The following GABPB1 variants were observed in gnomAD, a reference collection of about 807,000 sequenced individuals.
GABPB1 encodes GA binding protein transcription factor subunit beta 1.
A neutral mutation model predicts 45.9 loss-of-function variants in GABPB1; 15 were observed. That is an observed-to-expected ratio of 0.33 (90% CI 0.22 to 0.50). The LOEUF is 0.50. GABPB1 is among the 20% of genes least tolerant of loss of function. GABPB1 has a pLI of 0.98. For missense variants in GABPB1, 252 were observed against 457.5 expected, an observed-to-expected ratio of 0.55 and a Z score of 4.10; for synonymous variants, 143 against 154.4, an observed-to-expected ratio of 0.93 and a Z score of 0.55.
chr15:50,280,379 G>T (rs2045935574), intron 8 of GABPB1, among the ~76,000 whole-genome samples: 1 of 152,148 alleles, frequency 6.6e-6, no homozygotes, highest in African/African-American at 2.4e-5. Flanking sequence ...AGGGGTGAGG[G>T]GTGGAAGGTT....
chr15:50,310,474 T>C (rs141894202), intron 1 of GABPB1, among the ~76,000 whole-genome samples: 9 of 152,288 alleles, frequency 5.9e-5, no homozygotes, highest in Non-Finnish European at 1.2e-4. Context: ...TAAAAGTAAA[T>C]AAAGTGCAAG....
chr15:50,302,268 A>T (rs1361747730), intron 4 of GABPB1, among the ~76,000 whole-genome samples: 1 of 152,208 alleles, frequency 6.6e-6, no homozygotes, highest in African/African-American at 2.4e-5. Context: ...GCTAATATAT[A>T]TGTTTTTTAA....
At chr15:50,326,056 C>G (rs1051243204) in intron 1 of GABPB1, among the ~76,000 whole-genome samples, 4 of 115,602 alleles carry the variant, frequency 3.5e-5, no homozygotes, top group African/African-American at 1.3e-4. Context: ...TATAGGCGCC[C>G]ACCACCACGC....
At chr15:50,289,930 C>T (rs948818296) in intron 6 of GABPB1, among the ~76,000 whole-genome samples, 1 of 151,970 alleles carries the variant, frequency 6.6e-6, no homozygotes, top group African/African-American at 2.4e-5. Flanking sequence ...TACCACCATA[C>T]CTGACTAGTT....
intron 6 of GABPB1, among the ~76,000 whole-genome samples, chr15:50,291,859 A>C (rs2046352240): frequency 6.6e-6 from 1 of 150,486 alleles, no homozygotes; most frequent in African/African-American, 2.4e-5. Context: ...TTGAGGCTGC[A>C]GTGAGCAGTG....
intron 1 of GABPB1, among the ~76,000 whole-genome samples, chr15:50,317,162 G>A (rs891732483): frequency 6.6e-5 from 10 of 151,922 alleles, no homozygotes; most frequent in Non-Finnish European, 1.2e-4. Flanking sequence ...TTGGGAGGCC[G>A]AGGCAGGTGG....
At chr15:50,318,963 A>G (rs1382519836) in intron 1 of GABPB1, among the ~76,000 whole-genome samples, 1 of 152,200 alleles carries the variant, frequency 6.6e-6, no homozygotes, top group Non-Finnish European at 1.5e-5. Context: ...CCTGGGGTGT[A>G]ATGTAAAGCA....
At chr15:50,302,840 A>G (rs1194877217) in intron 4 of GABPB1, 89 bp downstream of exon 4, 1 of 866,166 alleles carries the variant, frequency 1.2e-6, no homozygotes, top group Non-Finnish European at 1.8e-6. Context: ...GGCTACAAAC[A>G]ATAGTTTAAA....
At chr15:50,289,449 A>C (rs79088883) in intron 7 of GABPB1, 34 bp downstream of exon 7, 2 of 1,403,526 alleles carry the variant, frequency 1.4e-6, no homozygotes, top group East Asian at 4.8e-5. Context: ...AAAAAAAAAA[A>C]CATACAAACT....
Position 50,300,429 on chromosome 15 carries a change from G to GTTT in GABPB1, c.697+357_697+359dup, listed in dbSNP as rs1363908199. Reference sequence around the variant, plus strand: ...TTTGTAAATATTTGAATCTGCAACTGTTTTTGGTTTTTTTTTTTTTTTTTT... The same window carrying GTTT: ...TTTGTAAATATTTGAATCTGCAACTGTTTTTTTTGGTTTTTTTTTTTTTTTTTT... On this transcript the variant is annotated intron_variant, in intron 6 of 8. Transcript: ENST00000380877. Among the ~76,000 whole-genome samples the GTTT allele has an allele frequency of 2.8e-3, 200 of 72,098 alleles. 3 individuals are homozygous for GTTT. The highest frequency in any genetic ancestry group is 0.013 in the Middle Eastern group (1 of 78). 47.3% of individuals were successfully genotyped at this position (72,098 alleles called of 152,430 possible).
chr15:50,277,280 C>A lies in GABPB1; in HGVS notation c.*1352G>T, dbSNP rs1350323236. The A allele has an allele frequency of 2.0e-5, 3 of 151,860 alleles. No individual in the cohort carries two copies. The East Asian group carries it at 5.8e-4, about 29-fold the overall frequency. 9.4% of individuals were successfully genotyped at this position (151,860 alleles called of 1,614,324 possible). On this transcript the variant is annotated 3_prime_UTR_variant, in exon 9 of 9. Coordinates refer to ENST00000380877, the MANE Select transcript of GABPB1 (RefSeq NM_016654.5). ...CATATGTGAAAAAGATATTTAATTG[C>A]AAAATAGAAAAGTAGGCCAGAGTAC...
rs2046141290 is a variant in GABPB1, at chr15:50,286,052, G to C, written c.999+16C>G. The C allele has an allele frequency of 1.2e-6, 2 of 1,610,624 alleles. No individual in the cohort carries two copies. The highest frequency in any genetic ancestry group is 1.7e-6 in the Non-Finnish European group (2 of 1,178,510). On this transcript the variant is annotated intron_variant, in intron 8 of 8. Coordinates refer to ENST00000380877, the MANE Select transcript of GABPB1 (RefSeq NM_016654.5). ...GGATGACTGCGGCAAAGCACACCGG[G>C]TAAAAGACTCCTTACTTCTATTTCT...
At chr15:50,310,233 C>CAG (rs1567510067) in intron 1 of GABPB1, among the ~76,000 whole-genome samples, 1 of 152,182 alleles carries the variant, frequency 6.6e-6, no homozygotes, top group East Asian at 1.9e-4. Context: ...GCTTGGACTA[C>CAG]AGGCATGCAC....
intron 1 of GABPB1, among the ~76,000 whole-genome samples, chr15:50,343,922 AATC>A (rs906410533): frequency 1.3e-5 from 2 of 152,212 alleles, no homozygotes; most frequent in Non-Finnish European, 2.9e-5. Context: ...CAGAATAAAC[AATC>A]ATCTTTTATT....
chr15:50,342,995 G>C (rs1350002767), intron 1 of GABPB1, among the ~76,000 whole-genome samples: 1 of 152,158 alleles, frequency 6.6e-6, no homozygotes, highest in African/African-American at 2.4e-5. Context: ...CGCCTCCCGG[G>C]TTCACGCCAT....
At chr15:50,339,357 G>C (rs1475851465) in intron 1 of GABPB1, among the ~76,000 whole-genome samples, 1 of 151,762 alleles carries the variant, frequency 6.6e-6, no homozygotes, top group Non-Finnish European at 1.5e-5. Flanking sequence ...TAATTAACCA[G>C]GTATGGTGGA....
intron 1 of GABPB1, among the ~76,000 whole-genome samples, chr15:50,337,124 T>G (rs1316033459): frequency 1.3e-4 from 1 of 7,604 alleles, no homozygotes; most frequent in African/African-American, 1.4e-3. Context: ...TATATATATA[T>G]ATATAATATG....
intron 1 of GABPB1, chr15:50,349,986 C>T (rs2048760689): frequency 6.6e-6 from 1 of 152,074 alleles, no homozygotes; most frequent in African/African-American, 2.4e-5. Context: ...AAAATGGAAT[C>T]ATGTTTTTAA....
chr15:50,281,826 A>C (rs963286534), intron 8 of GABPB1, among the ~76,000 whole-genome samples: 3 of 152,176 alleles, frequency 2.0e-5, no homozygotes, highest in African/African-American at 7.2e-5. Context: ...GGTGCTGGGC[A>C]TGCAGTGGCT....
Sources: gnomAD v4.1 joint callset for allele counts (sites outside exome capture counted in the v4.1 genomes callset) on GRCh38, gnomAD v4.1.1 for gene constraint, MANE v1.5 for transcripts, NCBI Gene and HGNC (gene_info 2026-07-23, HGNC 2026-07-21) for gene names.